Variants in MLLT3 observed in about 807,000 individuals in gnomAD.
MLLT3 encodes the protein protein AF-9.
Under a neutral mutation model 53.2 loss-of-function variants are expected in MLLT3, and 4 were observed. That is an observed-to-expected ratio of 0.08 (90% CI 0.04 to 0.17). The LOEUF (loss-of-function observed/expected upper bound fraction) is 0.17, where lower values mean the gene tolerates loss of function less well. Ranked by LOEUF, MLLT3 falls within the 10% of genes least tolerant of loss-of-function variation. The pLI, the probability that MLLT3 is intolerant of heterozygous loss-of-function variation, is 1.00. For missense variants in MLLT3, 569 were observed against 684.0 expected (o/e 0.83, Z 1.87); for synonymous variants, 283 against 230.6 (o/e 1.23, Z -2.06).
intron 5 of MLLT3, among the ~76,000 whole-genome samples, chr9:20,383,720 C>T (rs1371548297): frequency 6.6e-6 from 1 of 151,882 alleles, no homozygotes; most frequent in Non-Finnish European, 1.5e-5. Context: ...CCATGATAGT[C>T]TTCCCTGAAA....
intron 2 of MLLT3, among the ~76,000 whole-genome samples, chr9:20,491,385 CTATT>C (rs1824943357): frequency 6.6e-6 from 1 of 151,944 alleles, no homozygotes; most frequent in South Asian, 2.1e-4. Context: ...CAGTACCACA[CTATT>C]TAGAGGAGAT....
At chr9:20,592,156 T>C (rs367614457) in intron 2 of MLLT3, among the ~76,000 whole-genome samples, 58 of 152,252 alleles carry the variant, frequency 3.8e-4, no homozygotes, top group African/African-American at 1.3e-3. Flanking sequence ...AAATGGAAGA[T>C]GAAAAATTAG....
chr9:20,466,625 G>A (rs1824244162), intron 2 of MLLT3, among the ~76,000 whole-genome samples: 1 of 152,150 alleles, frequency 6.6e-6, no homozygotes, highest in Non-Finnish European at 1.5e-5. Context: ...ATAAAGAACA[G>A]CTTTTATTCA....
At chr9:20,482,366 A>T (rs1824685483) in intron 2 of MLLT3, among the ~76,000 whole-genome samples, 1 of 152,186 alleles carries the variant, frequency 6.6e-6, no homozygotes, top group Non-Finnish European at 1.5e-5. Flanking sequence ...CCCACCTTAC[A>T]AGGAAAGTAA....
At chr9:20,578,850 T>G (rs575496377) in intron 2 of MLLT3, among the ~76,000 whole-genome samples, 16 of 152,292 alleles carry the variant, frequency 1.1e-4, no homozygotes, top group African/African-American at 3.6e-4. Flanking sequence ...AATACTTTAT[T>G]AATTATTTAT....
At chr9:20,456,413 T>G (rs949767730) in intron 3 of MLLT3, among the ~76,000 whole-genome samples, 3 of 152,188 alleles carry the variant, frequency 2.0e-5, no homozygotes, top group Non-Finnish European at 4.4e-5. Flanking sequence ...ATAATTCTTC[T>G]TTTCTATTTT....
intron 2 of MLLT3, among the ~76,000 whole-genome samples, chr9:20,495,900 A>G (rs73648222): frequency 5.8e-4 from 88 of 152,310 alleles, no homozygotes; most frequent in African/African-American, 2.0e-3. Context: ...TAGACAGTCA[A>G]TGTTATACCT....
At chr9:20,364,156 G>A (rs1056488147) in intron 6 of MLLT3, among the ~76,000 whole-genome samples, 2 of 152,076 alleles carry the variant, frequency 1.3e-5, no homozygotes, top group Admixed American at 6.6e-5. Context: ...ATTGATCTTG[G>A]ACACAAGGTC....
At chr9:20,566,935 C>G (rs960004766) in intron 2 of MLLT3, among the ~76,000 whole-genome samples, 1 of 151,842 alleles carries the variant, frequency 6.6e-6, no homozygotes, top group African/African-American at 2.4e-5. Flanking sequence ...AGCAACTGAC[C>G]AAAGAGGGAG....
At chr9:20,487,212 C>A (rs1243965966) in intron 2 of MLLT3, among the ~76,000 whole-genome samples, 2 of 152,096 alleles carry the variant, frequency 1.3e-5, no homozygotes, top group Non-Finnish European at 2.9e-5. Flanking sequence ...CCTCATCTTT[C>A]ATTTCTTCTC....
At chr9:20,545,423 T>C (rs548786190) in intron 2 of MLLT3, among the ~76,000 whole-genome samples, 6 of 152,098 alleles carry the variant, frequency 3.9e-5, no homozygotes, top group African/African-American at 1.4e-4. Context: ...AGGGGATCCA[T>C]TGTTAGATGG....
chr9:20,418,681 A>G (rs1231372756), intron 4 of MLLT3, among the ~76,000 whole-genome samples: 1 of 152,116 alleles, frequency 6.6e-6, no homozygotes, highest in Non-Finnish European at 1.5e-5. Context: ...CACAGGCATG[A>G]TCACTACATG....
intron 2 of MLLT3, among the ~76,000 whole-genome samples, chr9:20,590,282 G>C: frequency 6.6e-6 from 1 of 152,144 alleles, no homozygotes; most frequent in South Asian, 2.1e-4. Flanking sequence ...GAGTTCATGA[G>C]TCCCCTTTAC....
chr9:20,372,771 T>C (rs909013797), intron 5 of MLLT3, among the ~76,000 whole-genome samples: 4 of 151,912 alleles, frequency 2.6e-5, no homozygotes, highest in African/African-American at 4.8e-5. Context: ...AATCGATAAG[T>C]AGTCATCAGC....
intron 6 of MLLT3, among the ~76,000 whole-genome samples, chr9:20,364,192 A>G (rs1382833299): frequency 1.3e-5 from 2 of 152,214 alleles, no homozygotes; most frequent in African/African-American, 4.8e-5. Context: ...TAAGCAGCCA[A>G]TTTTCATTTT....
At chr9:20,519,688 C>CA (rs1295179506) in intron 2 of MLLT3, among the ~76,000 whole-genome samples, 2 of 151,990 alleles carry the variant, frequency 1.3e-5, no homozygotes, top group Non-Finnish European at 2.9e-5. Context: ...ATTAAGAAAT[C>CA]AAAAAATAAC....
intron 5 of MLLT3, among the ~76,000 whole-genome samples, chr9:20,384,480 T>A (rs1173336811): frequency 1.3e-5 from 2 of 152,084 alleles, no homozygotes; most frequent in African/African-American, 2.4e-5. Context: ...GTAAGCAAGT[T>A]TAATGTACTC....
intron 2 of MLLT3, among the ~76,000 whole-genome samples, chr9:20,517,161 G>A (rs1817936777): frequency 6.6e-6 from 1 of 152,152 alleles, no homozygotes; most frequent in Non-Finnish European, 1.5e-5. Context: ...GTATTATAAT[G>A]TCATTGGAAT....
intron 2 of MLLT3, among the ~76,000 whole-genome samples, chr9:20,517,119 C>A (rs1817935681): frequency 1.3e-5 from 2 of 152,080 alleles, no homozygotes; most frequent in South Asian, 4.1e-4. Context: ...CTTCAAGGAG[C>A]TCTTAGCCTA....
Sources: allele counts gnomAD v4.1 joint callset (sites outside exome capture counted in the v4.1 genomes callset), GRCh38; gene constraint gnomAD v4.1.1; transcripts MANE v1.5; gene names NCBI Gene and HGNC (gene_info 2026-07-23, HGNC 2026-07-21).